FIRRM: variants seen among roughly 807,000 people sequenced by gnomAD.
FIRRM encodes FIGNL1-interacting regulator of recombination and mitosis.
At chr1:169,848,486 C>G in the FIRRM span, among the ~76,000 whole-genome samples, 3 of 152,152 alleles carry the variant, frequency 2.0e-5, no homozygotes, top group Non-Finnish European at 4.4e-5. Context: ...ATAATTAAAG[C>G]AAACACATTA....
chr1:169,852,214 C>A, the FIRRM span: 2 of 427,426 alleles, frequency 4.7e-6, no homozygotes, highest in African/African-American at 4.1e-5. Flanking sequence ...GCAGTCTTTA[C>A]TGAACCACAG....
At chr1:169,817,022 A>G in the FIRRM span, among the ~76,000 whole-genome samples, 3,761 of 152,270 alleles carry the variant, frequency 0.025, 194 homozygotes, top group East Asian at 0.22. Context: ...ACTTTACTCA[A>G]TTGTTAAACA....
the FIRRM span, among the ~76,000 whole-genome samples, chr1:169,812,589 G>A: frequency 6.6e-6 from 1 of 152,122 alleles, no homozygotes; most frequent in African/African-American, 2.4e-5. Context: ...TGAGTGTGGT[G>A]ACCCATGGCT....
chr1:169,793,321 C>G, the FIRRM span: 1 of 1,614,138 alleles, frequency 6.2e-7, no homozygotes, highest in Non-Finnish European at 8.5e-7. Flanking sequence ...ACTTAACATG[C>G]TGGAAACCTG....
At chr1:169,795,082 G>T in the FIRRM span, 1 of 1,526,914 alleles carries the variant, frequency 6.5e-7, no homozygotes, top group South Asian at 1.2e-5. Flanking sequence ...CTGGTTTGAA[G>T]CTCTCCTGTT....
the FIRRM span, among the ~76,000 whole-genome samples, chr1:169,840,389 A>G: frequency 4.1e-4 from 62 of 152,122 alleles, no homozygotes; most frequent in African/African-American, 1.1e-3. Flanking sequence ...TGTGTCATCT[A>G]TGATTTCTTT....
At chr1:169,828,527 C>T in the FIRRM span, among the ~76,000 whole-genome samples, 3 of 151,866 alleles carry the variant, frequency 2.0e-5, no homozygotes, top group East Asian at 3.8e-4. Flanking sequence ...TCTTTACGTA[C>T]TTACAATTTG....
chr1:169,789,473 T>C, the FIRRM span, among the ~76,000 whole-genome samples: 1 of 152,226 alleles, frequency 6.6e-6, no homozygotes, highest in African/African-American at 2.4e-5. Context: ...CATGAGTTTC[T>C]GAACCATGGA....
At chr1:169,787,565 C>T in the FIRRM span, among the ~76,000 whole-genome samples, 1 of 152,218 alleles carries the variant, frequency 6.6e-6, no homozygotes, top group Non-Finnish European at 1.5e-5. Context: ...TAAATTCCCA[C>T]TTGCCCATAC....
At chr1:169,850,811 G>C in the FIRRM span, 1 of 155,926 alleles carries the variant, frequency 6.4e-6, no homozygotes, top group Non-Finnish European at 1.4e-5. Context: ...GACACTTGTA[G>C]TTCCTCTGCC....
the FIRRM span, among the ~76,000 whole-genome samples, chr1:169,787,922 A>T: frequency 6.6e-6 from 1 of 151,988 alleles, no homozygotes; most frequent in Non-Finnish European, 1.5e-5. Flanking sequence ...ATATCTTATC[A>T]GTTGGAAGAC....
At chr1:169,815,422 C>G in the FIRRM span, among the ~76,000 whole-genome samples, 34,399 of 152,012 alleles carry the variant, frequency 0.23, 4,343 homozygotes, top group Middle Eastern at 0.29. Context: ...AGATTATTCC[C>G]TTTCTGGGAA....
At chr1:169,836,993 T>G in the FIRRM span, 2 of 1,613,910 alleles carry the variant, frequency 1.2e-6, no homozygotes, top group Middle Eastern at 1.6e-4. Context: ...ACATATTTCC[T>G]TCCAGGCGTT....
the FIRRM span, among the ~76,000 whole-genome samples, chr1:169,784,674 CA>C: frequency 1.3e-5 from 2 of 152,124 alleles, no homozygotes; most frequent in African/African-American, 4.8e-5. Flanking sequence ...TTAAATCTGA[CA>C]AAGTCCCCTG....
chr1:169,801,026 G>A, the FIRRM span: 2 of 872,510 alleles, frequency 2.3e-6, no homozygotes, highest in South Asian at 3.2e-5. Flanking sequence ...CTCAGTCTTA[G>A]ATGATTTATT....
At chr1:169,795,460 A>G in the FIRRM span, 1 of 1,303,450 alleles carries the variant, frequency 7.7e-7, no homozygotes. Context: ...AGGTTTTAGC[A>G]GTGGATGTGG....
the FIRRM span, among the ~76,000 whole-genome samples, chr1:169,838,231 GC>G: frequency 2.6e-5 from 4 of 152,114 alleles, no homozygotes; most frequent in Non-Finnish European, 5.9e-5. Flanking sequence ...GAGCCACTGT[GC>G]CCAGGCTTAT....
At chr1:169,851,714 C>T in the FIRRM span, 1 of 1,402,392 alleles carries the variant, frequency 7.1e-7, no homozygotes. Flanking sequence ...CCAGAATTTG[C>T]CTAGTATGGT....
At chr1:169,809,639 G>A in the FIRRM span, among the ~76,000 whole-genome samples, 10 of 152,230 alleles carry the variant, frequency 6.6e-5, no homozygotes, top group Non-Finnish European at 1.3e-4. Context: ...GCTTATAGAT[G>A]GAAATCAGAA....
Sources: allele counts gnomAD v4.1 joint callset (sites outside exome capture counted in the v4.1 genomes callset), GRCh38; gene constraint gnomAD v4.1.1; transcripts MANE v1.5; gene names NCBI Gene and HGNC (gene_info 2026-07-23, HGNC 2026-07-21).